SUGCT: variants seen among roughly 807,000 people sequenced by gnomAD.
The protein encoded by SUGCT is succinyl-CoA:glutarate CoA-transferase.
In SUGCT, 41 loss-of-function variants were observed where a neutral mutation model predicts 55.0. The ratio of observed to expected loss-of-function variants is 0.74; its 90% CI spans 0.58 to 0.97. SUGCT has a LOEUF of 0.97. Ranked by LOEUF, SUGCT falls within the 50% of genes least tolerant of loss-of-function variation. SUGCT has a pLI of 0.00. For missense variants in SUGCT, 568 were observed against 547.8 expected, an observed-to-expected ratio of 1.04 and a Z score of -0.37; for synonymous variants, 187 against 200.4, an observed-to-expected ratio of 0.93 and a Z score of 0.56.
At chr7:40,854,400 T>C (rs1175059795) in intron 13 of SUGCT, among the ~76,000 whole-genome samples, 1 of 93,078 alleles carries the variant, frequency 1.1e-5, no homozygotes, top group Non-Finnish European at 2.0e-5. Flanking sequence ...AATTTTTTTC[T>C]TTCTTTCTTT....
intron 12 of SUGCT, among the ~76,000 whole-genome samples, chr7:40,576,407 T>A (rs1302526622): frequency 1.3e-5 from 2 of 152,214 alleles, no homozygotes; most frequent in Non-Finnish European, 2.9e-5. Context: ...AAATGTTTCT[T>A]CCATATGGTT....
intron 12 of SUGCT, among the ~76,000 whole-genome samples, chr7:40,644,827 A>G (rs1417675513): frequency 6.6e-6 from 1 of 152,080 alleles, no homozygotes; most frequent in Non-Finnish European, 1.5e-5. Flanking sequence ...TGCCCTCCTC[A>G]GACTGGCTTA....
chr7:40,209,721 A>C (rs938386220), intron 6 of SUGCT, among the ~76,000 whole-genome samples: 25 of 151,692 alleles, frequency 1.6e-4, no homozygotes, highest in Non-Finnish European at 3.5e-4. Flanking sequence ...GCTTGAACCC[A>C]GGAGGCGGAG....
chr7:40,854,751 A>G (rs1002796921), intron 13 of SUGCT, among the ~76,000 whole-genome samples: 3 of 151,958 alleles, frequency 2.0e-5, no homozygotes, highest in Admixed American at 2.0e-4. Context: ...AGCCTGGGCA[A>G]CATAGCCAGT....
intron 2 of SUGCT, among the ~76,000 whole-genome samples, chr7:40,181,375 C>T (rs1241591701): frequency 4.6e-5 from 7 of 152,050 alleles, no homozygotes; most frequent in African/African-American, 1.4e-4. Flanking sequence ...TAATCTTTCA[C>T]GATTATAAAT....
At chr7:40,891,784 C>G in the SUGCT span, among the ~76,000 whole-genome samples, 4 of 152,012 alleles carry the variant, frequency 2.6e-5, no homozygotes, top group Non-Finnish European at 4.4e-5. Flanking sequence ...CCGAGGCAGG[C>G]AGATCATGAG....
At chr7:40,519,038 C>T (rs2151570173) in intron 12 of SUGCT, among the ~76,000 whole-genome samples, 1 of 152,138 alleles carries the variant, frequency 6.6e-6, no homozygotes, top group East Asian at 1.9e-4. Flanking sequence ...AATAAGACAC[C>T]AATATCATGT....
At chr7:40,970,633 CA>C in the SUGCT span, among the ~76,000 whole-genome samples, 18 of 152,112 alleles carry the variant, frequency 1.2e-4, no homozygotes, top group Non-Finnish European at 2.4e-4. Context: ...AATACAAAAG[CA>C]AAGGGTGGTA....
chr7:40,281,152 A>T (rs1449893767), intron 8 of SUGCT, among the ~76,000 whole-genome samples: 1 of 152,174 alleles, frequency 6.6e-6, no homozygotes, highest in Admixed American at 6.6e-5. Context: ...ATTTTTGTGT[A>T]CCCCTAAAGT....
chr7:40,867,621 CA>C, the SUGCT span, among the ~76,000 whole-genome samples: 1 of 152,096 alleles, frequency 6.6e-6, no homozygotes, highest in Non-Finnish European at 1.5e-5. Flanking sequence ...AGTAGTCCCA[CA>C]AAATGAGAAG....
chr7:40,571,841 A>C (rs747392931), intron 12 of SUGCT, among the ~76,000 whole-genome samples: 4 of 152,218 alleles, frequency 2.6e-5, no homozygotes, highest in Non-Finnish European at 4.4e-5. Context: ...ATGATGTTCA[A>C]GTGTCTCAGG....
intron 7 of SUGCT, among the ~76,000 whole-genome samples, chr7:40,266,244 G>A (rs1335323813): frequency 1.6e-5 from 2 of 128,828 alleles, no homozygotes; most frequent in Non-Finnish European, 3.1e-5. Context: ...GAGTGCAACG[G>A]ATTCAAGTGA....
chr7:41,038,624 G>C, the SUGCT span, among the ~76,000 whole-genome samples: 1 of 152,192 alleles, frequency 6.6e-6, no homozygotes, highest in Non-Finnish European at 1.5e-5. Flanking sequence ...TCACCCTGCT[G>C]TGGGACAGCT....
chr7:40,911,416 T>A, the SUGCT span, among the ~76,000 whole-genome samples: 9 of 151,620 alleles, frequency 5.9e-5, no homozygotes, highest in African/African-American at 1.5e-4. Flanking sequence ...TAAAAAAAAA[T>A]TTTTAGTTGG....
chr7:41,024,843 A>G, the SUGCT span, among the ~76,000 whole-genome samples: 5 of 152,296 alleles, frequency 3.3e-5, no homozygotes, highest in Admixed American at 3.3e-4. Context: ...CTTGAGAAAT[A>G]TATGCACGAG....
At chr7:40,432,607 A>T (rs1787953450) in intron 9 of SUGCT, among the ~76,000 whole-genome samples, 1 of 147,750 alleles carries the variant, frequency 6.8e-6, no homozygotes, top group Admixed American at 6.9e-5. Context: ...AATTGCTTGA[A>T]CCCGGGAGGT....
chr7:40,950,297 C>G, the SUGCT span, among the ~76,000 whole-genome samples: 3 of 152,098 alleles, frequency 2.0e-5, no homozygotes, highest in Non-Finnish European at 4.4e-5. Context: ...GATTTTTGCA[C>G]ATTGATTTTG....
intron 9 of SUGCT, among the ~76,000 whole-genome samples, chr7:40,414,334 C>G (rs1040267356): frequency 1.6e-4 from 25 of 152,194 alleles, no homozygotes; most frequent in African/African-American, 3.1e-4. Flanking sequence ...ATTCCTTTGT[C>G]GAACATATCC....
chr7:40,640,924 TG>T (rs1800242581), intron 12 of SUGCT, among the ~76,000 whole-genome samples: 1 of 152,272 alleles, frequency 6.6e-6, no homozygotes, highest in Non-Finnish European at 1.5e-5. Context: ...AGGAAGGACC[TG>T]GGGCTGGAGA....
Sources: gnomAD v4.1 joint callset for allele counts (sites outside exome capture counted in the v4.1 genomes callset) on GRCh38, gnomAD v4.1.1 for gene constraint, MANE v1.5 for transcripts, NCBI Gene and HGNC (gene_info 2026-07-23, HGNC 2026-07-21) for gene names.